Variants in ARFIP1 observed in about 807,000 individuals in gnomAD.
ARFIP1 encodes arfaptin-1.
In ARFIP1, 24 loss-of-function variants were observed where a neutral mutation model predicts 42.5. That is an observed-to-expected ratio of 0.57 (90% CI 0.41 to 0.80). The LOEUF (loss-of-function observed/expected upper bound fraction) is 0.80, where lower values mean the gene tolerates loss of function less well. Among genes scored for constraint, ARFIP1 ranks in the 30% least tolerant of loss-of-function variants. The pLI, the probability that ARFIP1 is intolerant of heterozygous loss-of-function variation, is 0.00. For synonymous variants in ARFIP1, 141 were observed against 153.7 expected, an observed-to-expected ratio of 0.92 and a Z score of 0.61; for missense variants, 354 against 434.0, an observed-to-expected ratio of 0.82 and a Z score of 1.64.
intron 1 of ARFIP1, among the ~76,000 whole-genome samples, chr4:152,813,146 A>G (rs1341391773): frequency 6.6e-6 from 1 of 152,232 alleles, no homozygotes; most frequent in Non-Finnish European, 1.5e-5. Flanking sequence ...ATACAGTGTA[A>G]CAGTTACTTA....
chr4:152,880,621 A>C (rs896313023), intron 5 of ARFIP1, among the ~76,000 whole-genome samples: 3 of 152,156 alleles, frequency 2.0e-5, no homozygotes, highest in Non-Finnish European at 4.4e-5. Flanking sequence ...TGGTGTTCTT[A>C]TTATTCCTAT....
chr4:152,891,978 G>C (rs1004665395), intron 8 of ARFIP1, among the ~76,000 whole-genome samples: 9 of 152,088 alleles, frequency 5.9e-5, no homozygotes, highest in Non-Finnish European at 1.2e-4. Flanking sequence ...AAAGTGCTGG[G>C]ATTACAGGCA....
intron 1 of ARFIP1, among the ~76,000 whole-genome samples, chr4:152,788,791 T>C (rs929450468): frequency 6.8e-6 from 1 of 147,076 alleles, no homozygotes; most frequent in African/African-American, 2.5e-5. Flanking sequence ...ACCTCACTTT[T>C]CCCCAATGTC....
intron 1 of ARFIP1, among the ~76,000 whole-genome samples, chr4:152,823,166 G>T (rs1285579085): frequency 1.3e-5 from 2 of 152,028 alleles, no homozygotes; most frequent in African/African-American, 4.8e-5. Flanking sequence ...ACCAAGAAAA[G>T]AACACAGAAG....
At chr4:152,874,123 A>G (rs751920662) in intron 5 of ARFIP1, among the ~76,000 whole-genome samples, 3 of 151,900 alleles carry the variant, frequency 2.0e-5, no homozygotes, top group Admixed American at 6.6e-5. Flanking sequence ...TTCATTATCT[A>G]TTTGTTCCTA....
intron 1 of ARFIP1, chr4:152,796,700 C>T (rs753456779): frequency 3.0e-5 from 26 of 878,166 alleles, no homozygotes; most frequent in Non-Finnish European, 4.6e-5. Context: ...TTAAGCTTAG[C>T]CTTCAGACCA....
intron 2 of ARFIP1, among the ~76,000 whole-genome samples, chr4:152,834,283 G>A (rs1422232180): frequency 6.6e-6 from 1 of 152,134 alleles, no homozygotes; most frequent in Non-Finnish European, 1.5e-5. Flanking sequence ...TTTGCCCCTA[G>A]CCCCCTAAAT....
At chr4:152,884,684 A>C (rs369047489) in intron 7 of ARFIP1, among the ~76,000 whole-genome samples, 2 of 151,978 alleles carry the variant, frequency 1.3e-5, no homozygotes, top group African/African-American at 2.4e-5. Context: ...GTTTATAATT[A>C]ATTTGTAGAG....
intron 2 of ARFIP1, among the ~76,000 whole-genome samples, chr4:152,845,736 T>C (rs78016542): frequency 1.3e-5 from 2 of 152,204 alleles, no homozygotes; most frequent in African/African-American, 4.8e-5. Context: ...GGAACACTTA[T>C]ACACTGTTGA....
chr4:152,804,452 T>G (rs1478545050), intron 1 of ARFIP1, among the ~76,000 whole-genome samples: 1 of 107,230 alleles, frequency 9.3e-6, no homozygotes, highest in African/African-American at 3.5e-5. Flanking sequence ...ATTATATATA[T>G]TATATATAAT....
At chr4:152,841,641 A>G (rs1732084635) in intron 2 of ARFIP1, among the ~76,000 whole-genome samples, 1 of 152,072 alleles carries the variant, frequency 6.6e-6, no homozygotes, top group African/African-American at 2.4e-5. Context: ...TTTCCTTCAT[A>G]TATGATACTT....
chr4:152,782,239 T>A (rs1470565665), intron 1 of ARFIP1, among the ~76,000 whole-genome samples: 1 of 60,804 alleles, frequency 1.6e-5, no homozygotes, highest in Non-Finnish European at 4.6e-5. Context: ...TGTGTGTGTG[T>A]GTGTGTGTGT....
At chr4:152,856,454 A>G (rs1733443426) in intron 2 of ARFIP1, among the ~76,000 whole-genome samples, 1 of 152,258 alleles carries the variant, frequency 6.6e-6, no homozygotes, top group African/African-American at 2.4e-5. Context: ...TACAATTAAA[A>G]ATAATACAGA....
intron 2 of ARFIP1, among the ~76,000 whole-genome samples, chr4:152,841,750 GA>G (rs1373094182): frequency 6.6e-6 from 1 of 152,188 alleles, no homozygotes. Context: ...TTTCTGCTGA[GA>G]AATCTGCTGT....
chr4:152,859,608 A>T (rs1202651998), intron 2 of ARFIP1, among the ~76,000 whole-genome samples: 1 of 152,100 alleles, frequency 6.6e-6, no homozygotes, highest in Admixed American at 6.5e-5. Context: ...AAACATTCCT[A>T]TCCCTACTGA....
At chr4:152,816,492 C>T (rs1298600311) in intron 1 of ARFIP1, among the ~76,000 whole-genome samples, 1 of 152,242 alleles carries the variant, frequency 6.6e-6, no homozygotes, top group East Asian at 1.9e-4. Flanking sequence ...TACTCCCTCA[C>T]TTTATTCAGG....
chr4:152,828,690 A>G (rs1212238103), intron 1 of ARFIP1, among the ~76,000 whole-genome samples: 1 of 151,376 alleles, frequency 6.6e-6, no homozygotes, highest in African/African-American at 2.4e-5. Context: ...TCAGTCCTTC[A>G]TATGTTTTCT....
rs181285870 is a variant in ARFIP1, at chr4:152,910,916, T to C, written c.*697T>C. 15 of 152,746 alleles carry C rather than the reference T, an allele frequency of 9.8e-5. No homozygotes were observed. The highest frequency in any genetic ancestry group is 1.9e-4 in the Non-Finnish European group (13 of 68,024). The allele number at this position is 152,746 out of a possible 1,614,324, so 9.5% of individuals were successfully genotyped here. ...GTCATTGGACAGTTACATTTGCAAT[T>C]TCTTTTGGTTCATAACAAAACCTGC... On this transcript the variant is annotated 3_prime_UTR_variant, in exon 9 of 9. Coordinates refer to ENST00000353617, the MANE Select transcript of ARFIP1 (RefSeq NM_001025595.3).
intron 2 of ARFIP1, among the ~76,000 whole-genome samples, chr4:152,849,050 A>G (rs1412759044): frequency 6.6e-6 from 1 of 152,158 alleles, no homozygotes; most frequent in Non-Finnish European, 1.5e-5. Context: ...ACAAATCTAG[A>G]TTCATTTTAA....
Sources: gnomAD v4.1 joint callset for allele counts (sites outside exome capture counted in the v4.1 genomes callset) on GRCh38, gnomAD v4.1.1 for gene constraint, MANE v1.5 for transcripts, NCBI Gene and HGNC (gene_info 2026-07-23, HGNC 2026-07-21) for gene names.